Variants in DGKB observed in about 807,000 individuals in gnomAD.
The protein encoded by DGKB is 90 kDa diacylglycerol kinase.
Under a neutral mutation model 114.3 loss-of-function variants are expected in DGKB, and 67 were observed. That is an observed-to-expected ratio of 0.59 (90% CI 0.48 to 0.72). The LOEUF is 0.72. Among genes scored for constraint, DGKB ranks in the 30% least tolerant of loss-of-function variants. The probability of loss-of-function intolerance (pLI) is 0.00; values close to 1 mark genes in which losing one functional copy is unlikely to be tolerated. For synonymous variants in DGKB, 398 were observed against 323.1 expected (o/e 1.23, Z -2.49); for missense variants, 907 against 975.2 (o/e 0.93, Z 0.93).
At chr7:14,178,295 T>C (rs921669192) in intron 23 of DGKB, 144 bp from the exon 24 acceptor site, 18 of 840,804 alleles carry the variant, frequency 2.1e-5, no homozygotes, top group African/African-American at 5.3e-5. Flanking sequence ...AATAAAAAGA[T>C]GGCCTACTTT....
intron 11 of DGKB, 36 bp downstream of exon 11, chr7:14,682,717 G>A: frequency 6.2e-7 from 1 of 1,603,196 alleles, no homozygotes; most frequent in Non-Finnish European, 8.5e-7. Context: ...CTACATAATG[G>A]CCACCTTCAG....
At chr7:14,791,343 A>G (rs1840638353) in intron 2 of DGKB, among the ~76,000 whole-genome samples, 2 of 152,184 alleles carry the variant, frequency 1.3e-5, no homozygotes, top group Non-Finnish European at 2.9e-5. Flanking sequence ...GAGGTTTTCA[A>G]AATAATCATG....
At chr7:14,891,205 T>C (rs142295458) in intron 1 of DGKB, among the ~76,000 whole-genome samples, 116 of 151,544 alleles carry the variant, frequency 7.7e-4, no homozygotes, top group Middle Eastern at 6.8e-3. Flanking sequence ...CCAAACTCTA[T>C]ATATACTACA....
intron 25 of DGKB, among the ~76,000 whole-genome samples, chr7:14,165,355 T>A (rs1227969750): frequency 2.0e-5 from 3 of 152,206 alleles, no homozygotes. Context: ...TACAACTTAC[T>A]AATTTGTTTC....
At chr7:14,680,020 T>A (rs1458556980) in intron 12 of DGKB, among the ~76,000 whole-genome samples, 1 of 151,948 alleles carries the variant, frequency 6.6e-6, no homozygotes, top group East Asian at 1.9e-4. Context: ...TTGCACAAGT[T>A]GTGTTTTATG....
intron 1 of DGKB, among the ~76,000 whole-genome samples, chr7:14,940,850 A>T (rs1785533722): frequency 6.6e-6 from 1 of 151,942 alleles, no homozygotes; most frequent in African/African-American, 2.4e-5. Flanking sequence ...TTCAGTTTAG[A>T]TACGTAGCTT....
intron 2 of DGKB, among the ~76,000 whole-genome samples, chr7:14,832,457 A>G (rs1846553699): frequency 6.6e-6 from 1 of 152,036 alleles, no homozygotes; most frequent in Non-Finnish European, 1.5e-5. Flanking sequence ...AATTATATAA[A>G]GAGTAGCTTA....
intron 20 of DGKB, among the ~76,000 whole-genome samples, chr7:14,498,778 C>G (rs1043476760): frequency 6.6e-6 from 1 of 151,602 alleles, no homozygotes; most frequent in Non-Finnish European, 1.5e-5. Context: ...ATAACAATGT[C>G]AAAATTACCA....
intron 1 of DGKB, among the ~76,000 whole-genome samples, chr7:14,868,274 A>G (rs969064292): frequency 1.3e-5 from 2 of 151,666 alleles, no homozygotes; most frequent in African/African-American, 2.4e-5. Context: ...ACTGCCCCCT[A>G]TGCTTGCCTC....
chr7:14,431,030 A>G (rs1828375713), intron 21 of DGKB, among the ~76,000 whole-genome samples: 1 of 152,020 alleles, frequency 6.6e-6, no homozygotes, highest in African/African-American at 2.4e-5. Flanking sequence ...TCTTGTTTTG[A>G]TCTTTCAGGC....
At chr7:14,579,882 C>T (rs184589643) in intron 19 of DGKB, among the ~76,000 whole-genome samples, 1 of 152,140 alleles carries the variant, frequency 6.6e-6, no homozygotes, top group Non-Finnish European at 1.5e-5. Flanking sequence ...TAACAAGTGC[C>T]CCAGGGACTC....
chr7:14,852,487 C>CAAACAA (rs1849497636), intron 1 of DGKB, among the ~76,000 whole-genome samples: 1 of 63,636 alleles, frequency 1.6e-5, no homozygotes, highest in African/African-American at 6.7e-5. Context: ...TAGTGAAAGT[C>CAAACAA]AAAAAAAAAA....
At chr7:14,828,921 T>C (rs1478031109) in intron 2 of DGKB, among the ~76,000 whole-genome samples, 1 of 152,052 alleles carries the variant, frequency 6.6e-6, no homozygotes, top group African/African-American at 2.4e-5. Context: ...CCAGAGGAGA[T>C]CAGAGAAGTG....
At chr7:14,181,791 T>C (rs747831693) in intron 23 of DGKB, among the ~76,000 whole-genome samples, 163 of 152,324 alleles carry the variant, frequency 1.1e-3, no homozygotes, top group Non-Finnish European at 6.5e-4. Context: ...AAGTATACTT[T>C]TGAAGGAAAA....
At chr7:14,762,779 C>T (rs953894470) in intron 2 of DGKB, among the ~76,000 whole-genome samples, 2 of 152,168 alleles carry the variant, frequency 1.3e-5, no homozygotes, top group South Asian at 2.1e-4. Flanking sequence ...ATCTTGGCTC[C>T]AGAATGCTTG....
chr7:14,213,433 T>C (rs1788458273), intron 23 of DGKB, among the ~76,000 whole-genome samples: 1 of 152,162 alleles, frequency 6.6e-6, no homozygotes, highest in Admixed American at 6.6e-5. Context: ...GTCACTTTTC[T>C]GTATGTCTGG....
chr7:14,288,178 A>C (rs1006332450), intron 23 of DGKB, among the ~76,000 whole-genome samples: 5 of 144,066 alleles, frequency 3.5e-5, no homozygotes, highest in African/African-American at 1.3e-4. Context: ...ACCTGAACTG[A>C]TCAGGCAGAA....
chr7:14,792,438 C>G (rs1840795614), intron 2 of DGKB, among the ~76,000 whole-genome samples: 1 of 151,982 alleles, frequency 6.6e-6, no homozygotes, highest in Non-Finnish European at 1.5e-5. Flanking sequence ...AGGCCTGGGA[C>G]TAGGCAAGTC....
chr7:14,703,518 T>G (rs935040495), intron 6 of DGKB, among the ~76,000 whole-genome samples: 2 of 152,206 alleles, frequency 1.3e-5, no homozygotes, highest in Non-Finnish European at 1.5e-5. Flanking sequence ...CTAGCCTGAC[T>G]TGAAGCTAGA....
Sources: allele counts gnomAD v4.1 joint callset (sites outside exome capture counted in the v4.1 genomes callset), GRCh38; gene constraint gnomAD v4.1.1; transcripts MANE v1.5; gene names NCBI Gene and HGNC (gene_info 2026-07-23, HGNC 2026-07-21).